MARCHF10: variants seen among roughly 807,000 people sequenced by gnomAD.
MARCHF10 encodes the protein membrane associated ring-CH-type finger 10.
MARCHF10 carries 64 observed loss-of-function variants against 76.2 expected under a neutral mutation model. That is an observed-to-expected ratio of 0.84 (90% CI 0.69 to 1.03). The LOEUF (loss-of-function observed/expected upper bound fraction) is 1.03, where lower values mean the gene tolerates loss of function less well. Among genes scored for constraint, MARCHF10 ranks in the 50% least tolerant of loss-of-function variants. MARCHF10 has a pLI of 0.00. For missense variants in MARCHF10, 875 were observed against 958.0 expected (o/e 0.91, Z 1.14); for synonymous variants, 340 against 357.5 (o/e 0.95, Z 0.55).
chr17:62,762,920 T>C lies in MARCHF10; in HGVS notation c.211-2914A>G, dbSNP rs141361751. 7.9e-3 allele frequency among the ~76,000 whole-genome samples: 1,209 copies of C among 152,336 alleles called. 20 individuals carry two copies. The highest frequency in any genetic ancestry group is 0.026 in the African/African-American group (1,090 of 41,590). ...GAGTGGGAGAAGTTGTAGTAAATCA[T>C]CCTGGCACTAAAGTGTGGTACTTAA... On this transcript the variant is annotated intron_variant, in intron 3 of 10. Transcript: ENST00000311269.
intron 3 of MARCHF10, among the ~76,000 whole-genome samples, chr17:62,770,877 A>T (rs2092432983): frequency 1.0e-5 from 1 of 98,340 alleles, no homozygotes; most frequent in African/African-American, 4.0e-5. Flanking sequence ...TTTTTTTGAG[A>T]CAGAGTCTCA....
At chr17:62,720,111 AATC>A (rs1331044898) in intron 8 of MARCHF10, among the ~76,000 whole-genome samples, 6 of 152,204 alleles carry the variant, frequency 3.9e-5, no homozygotes, top group African/African-American at 1.4e-4. Flanking sequence ...TTAGCATATT[AATC>A]ATAGTGTTTT....
intron 3 of MARCHF10, among the ~76,000 whole-genome samples, chr17:62,772,297 CTT>C (rs1208130195): frequency 2.0e-5 from 3 of 152,138 alleles, no homozygotes; most frequent in Admixed American, 6.5e-5. Context: ...CAAGTTCTCT[CTT>C]TGTCTGTCGC....
rs1555696217 is a variant in MARCHF10 at position 62,738,100 on chromosome 17, A to ACACACACACACACACACACACAC, written c.536-769_536-768insGTGTGTGTGTGTGTGTGTGTGTG. ...CACACACACACACACACACACACAC[A>ACACACACACACACACACACACAC]ACTTAAGCCTCACAACCCTGTGAAA... is the stretch of plus-strand genomic sequence containing the variant. On this transcript the variant is annotated intron_variant, in intron 5 of 10. Coordinates refer to ENST00000311269, the MANE Select transcript of MARCHF10 (RefSeq NM_152598.4). The surrounding 1 kb of genome is among the most constrained non-coding windows in gnomAD (Gnocchi z 4.0). Among the ~76,000 whole-genome samples, 2 of 148,908 alleles carry ACACACACACACACACACACACAC rather than the reference A, an allele frequency of 1.3e-5. No homozygotes were observed. Among genetic ancestry groups the ACACACACACACACACACACACAC allele is most frequent in the African/African-American group, 4.9e-5 (2 of 40,492 alleles).
At chr17:62,775,314 C>T (rs1210879361) in intron 3 of MARCHF10, among the ~76,000 whole-genome samples, 3 of 151,842 alleles carry the variant, frequency 2.0e-5, no homozygotes, top group South Asian at 2.1e-4. Flanking sequence ...TTAGTAGAGA[C>T]GGGGTTTCAC....
intron 3 of MARCHF10, among the ~76,000 whole-genome samples, chr17:62,767,641 G>A (rs2092363838): frequency 6.6e-6 from 1 of 151,874 alleles, no homozygotes; most frequent in Non-Finnish European, 1.5e-5. Context: ...AGTAGAGATG[G>A]AGTTTCACCA....
intron 6 of MARCHF10, among the ~76,000 whole-genome samples, chr17:62,728,694 G>A (rs1178798077): frequency 2.0e-5 from 3 of 152,102 alleles, no homozygotes; most frequent in South Asian, 2.1e-4. Flanking sequence ...TGTGATTAAC[G>A]AAATAAAAAA....
In MARCHF10 at chr17:62,788,476, A is replaced by G. The variant is rs1413065499; in HGVS notation, c.210+4T>C. 2 of 1,614,008 alleles carry G rather than the reference A, an allele frequency of 1.2e-6. No individual in the cohort carries two copies. The highest frequency in any genetic ancestry group is 1.7e-6 in the Non-Finnish European group (2 of 1,179,994). On this transcript the variant is annotated splice_donor_region_variant and intron_variant, in intron 3 of 10. Transcript: ENST00000311269. ...AGGAGACTGTCTCCCAGAATTCTTC[A>G]TACCTGTTTGGAAGATGACCTGCTA...
At chr17:62,746,546 C>T (rs1380024776) in intron 4 of MARCHF10, among the ~76,000 whole-genome samples, 7 of 152,062 alleles carry the variant, frequency 4.6e-5, no homozygotes, top group African/African-American at 7.2e-5. Flanking sequence ...TTCCCACTAC[C>T]AAAAGTTGCA....
intron 3 of MARCHF10, among the ~76,000 whole-genome samples, chr17:62,765,525 C>T (rs888960598): frequency 1.3e-5 from 2 of 152,118 alleles, no homozygotes; most frequent in African/African-American, 4.8e-5. Flanking sequence ...GCCTGTGGCC[C>T]TGGCTGGAGA....
At chr17:62,795,427 T>C (rs2092969666) in intron 2 of MARCHF10, among the ~76,000 whole-genome samples, 1 of 146,038 alleles carries the variant, frequency 6.8e-6, no homozygotes, top group Non-Finnish European at 1.5e-5. Context: ...TAAAGCCAAA[T>C]TCTGAGATGG....
At chr17:62,793,508 T>TCACCACCACCCCCTC (rs2092920022) in intron 2 of MARCHF10, among the ~76,000 whole-genome samples, 1 of 37,214 alleles carries the variant, frequency 2.7e-5, no homozygotes, top group Non-Finnish European at 4.6e-5. Flanking sequence ...ACCACCTCCA[T>TCACCACCACCCCCTC]CACCACCACC....
intron 4 of MARCHF10, among the ~76,000 whole-genome samples, chr17:62,747,292 T>C (rs570579177): frequency 1.3e-5 from 2 of 152,340 alleles, no homozygotes; most frequent in East Asian, 3.9e-4. Context: ...TGGCTTAAGA[T>C]AAAAGGTTAT....
chr17:62,803,437 C>CA (rs1185051634), intron 1 of MARCHF10, among the ~76,000 whole-genome samples: 1 of 152,050 alleles, frequency 6.6e-6, no homozygotes, highest in African/African-American at 2.4e-5. Flanking sequence ...GATAAGATGG[C>CA]AACCAGCATC....
intron 2 of MARCHF10, among the ~76,000 whole-genome samples, chr17:62,799,918 T>C (rs931894420): frequency 3.9e-5 from 6 of 152,186 alleles, no homozygotes; most frequent in Non-Finnish European, 5.9e-5. Flanking sequence ...TTCCTTCCGA[T>C]TGGGAAGCTC....
At chr17:62,807,203 C>T (rs1399091148) in intron 1 of MARCHF10, among the ~76,000 whole-genome samples, 2 of 152,098 alleles carry the variant, frequency 1.3e-5, no homozygotes, top group Non-Finnish European at 2.9e-5. Flanking sequence ...AAAAACTTTG[C>T]ATTTTAAAGT....
chr17:62,710,518 T>A (rs1327467762), intron 9 of MARCHF10, among the ~76,000 whole-genome samples: 1 of 147,132 alleles, frequency 6.8e-6, no homozygotes, highest in Non-Finnish European at 1.5e-5. Context: ...AAAAAAAATC[T>A]AGGTTTCTTA....
chr17:62,724,963 C>CT lies in MARCHF10; in HGVS notation c.2078dup (p.Trp694ValfsTer19). On this transcript the variant is annotated frameshift_variant, in exon 7 of 11. Transcript: ENST00000311269. LOFTEE classifies it high-confidence loss of function. ...CTGATGTTATTTTCACTTTCAGCCA[C>CT]TTTTTCAGGCACTCTTGATGAACAA... is the stretch of plus-strand genomic sequence containing the variant. 6.2e-7 allele frequency: 1 copy of CT among 1,612,264 alleles called. No individual in the cohort carries two copies. Among genetic ancestry groups the CT allele is most frequent in the Non-Finnish European group, 8.5e-7 (1 of 1,179,364 alleles).
chr17:62,805,013 T>C (rs1286803660), intron 1 of MARCHF10: 1 of 152,138 alleles, frequency 6.6e-6, no homozygotes, highest in African/African-American at 2.4e-5. Context: ...TCTGGTCTGG[T>C]AGTTATGAAA....
Sources: allele counts gnomAD v4.1 joint callset (sites outside exome capture counted in the v4.1 genomes callset), GRCh38; gene constraint gnomAD v4.1.1; non-coding constraint Gnocchi (gnomAD v3.1); transcripts MANE v1.5; gene names NCBI Gene and HGNC (gene_info 2026-07-23, HGNC 2026-07-21).